ITGA11: variants seen among roughly 807,000 people sequenced by gnomAD.
ITGA11 encodes the protein integrin subunit alpha 11, also known as integrin alpha-11.
Under a neutral mutation model 141.9 loss-of-function variants are expected in ITGA11, and 97 were observed. The ratio of observed to expected loss-of-function variants is 0.68; its 90% CI spans 0.58 to 0.81. The LOEUF is 0.81. Among genes scored for constraint, ITGA11 ranks in the 30% least tolerant of loss-of-function variants. The probability of loss-of-function intolerance (pLI) is 0.00; values close to 1 mark genes in which losing one functional copy is unlikely to be tolerated. For synonymous variants in ITGA11, 658 were observed against 624.6 expected (o/e 1.05, Z -0.80); for missense variants, 1,387 against 1,559.2 (o/e 0.89, Z 1.86).
intron 1 of ITGA11, among the ~76,000 whole-genome samples, chr15:68,429,264 G>A (rs953372279): frequency 4.6e-5 from 7 of 152,136 alleles, no homozygotes; most frequent in Non-Finnish European, 8.8e-5. Context: ...AACCGGCAGG[G>A]GCTAGGCCAA....
At chr15:68,330,892 A>T in intron 15 of ITGA11, 89 bp downstream of exon 15, 1 of 1,500,774 alleles carries the variant, frequency 6.7e-7, no homozygotes, top group Non-Finnish European at 9.1e-7. Context: ...AAGACAAGAG[A>T]CAAAGATCCT....
At chr15:68,419,404 G>A (rs1236571946) in intron 1 of ITGA11, among the ~76,000 whole-genome samples, 1 of 152,178 alleles carries the variant, frequency 6.6e-6, no homozygotes, top group Non-Finnish European at 1.5e-5. Context: ...AGCCTAGAGT[G>A]GCCATTTGTT....
Position 68,400,639 on chromosome 15 carries a change from ATATTATATAT to A in ITGA11, c.164+2269_164+2278del, listed in dbSNP as rs1566938418. Among the ~76,000 whole-genome samples, 141 of 63,872 alleles carry A rather than the reference ATATTATATAT, an allele frequency of 2.2e-3. 6 individuals carry two copies. Among genetic ancestry groups the A allele is most frequent in the African/African-American group, 0.011 (134 of 12,548 alleles). The allele number at this position is 63,872 out of a possible 152,430, so 41.9% of individuals were successfully genotyped here. A position where few individuals can be genotyped will look rare whatever the true frequency, so the allele number is the denominator to read the frequency against. On this transcript the variant is annotated intron_variant, in intron 2 of 29. Coordinates refer to ENST00000315757, the MANE Select transcript of ITGA11 (RefSeq NM_001004439.2). ...TATATATTATATAATAAATATTATAATATTATATATTATATAATAAATATATTATATATTA... is the reference window on the plus strand; with the variant it reads ...TATATATTATATAATAAATATTATAATATATAATAAATATATTATATATTA...
chr15:68,320,497 G>T, intron 19 of ITGA11, 105 bp from the exon 20 acceptor site: 1 of 836,756 alleles, frequency 1.2e-6, no homozygotes, highest in Non-Finnish European at 1.9e-6. Context: ...GCACTTGACT[G>T]GCCTCTGCTC....
intron 7 of ITGA11, among the ~76,000 whole-genome samples, chr15:68,353,994 C>G (rs141864477): frequency 6.6e-6 from 1 of 152,148 alleles, no homozygotes; most frequent in Non-Finnish European, 1.5e-5. Context: ...CAGCCATCTG[C>G]TTGCCAACAA....
rs1449976361 is a variant in ITGA11, at chr15:68,302,898, C to T, written c.*161G>A. 8.3e-6 allele frequency: 5 copies of T among 603,254 alleles called. No individual in the cohort carries two copies. The highest frequency in any genetic ancestry group is 3.0e-5 in the Admixed American group (1 of 33,146). 37.4% of individuals were successfully genotyped at this position (603,254 alleles called of 1,614,324 possible). On this transcript the variant is annotated 3_prime_UTR_variant, in exon 30 of 30. Transcript: ENST00000315757. ...GTTCCACTTAAAACCAGCTTGAGTT[C>T]CATTCTGGAGGGAGCAGGCGCCATT...
chr15:68,296,612 TTG>T lies in ITGA11; in HGVS notation c.*6445_*6446del, dbSNP rs146995196. ...TTGACTATTGGTGTTTGCTTTGGGG[TTG>T]TGTGTGTTTTTTTTCTACTTGTTAG... On this transcript the variant is annotated 3_prime_UTR_variant, in exon 30 of 30. Coordinates refer to ENST00000315757, the MANE Select transcript of ITGA11 (RefSeq NM_001004439.2). 9 of 152,032 alleles carry T rather than the reference TTG, an allele frequency of 5.9e-5. No individual in the cohort carries two copies. Among genetic ancestry groups the T allele is most frequent in the Admixed American group, 3.3e-4 (5 of 15,258 alleles). The allele number at this position is 152,032 out of a possible 1,614,324, so 9.4% of individuals were successfully genotyped here. A position where few individuals can be genotyped will look rare whatever the true frequency, so the allele number is the denominator to read the frequency against.
At chr15:68,346,192 G>A (rs1445372840) in intron 10 of ITGA11, among the ~76,000 whole-genome samples, 1 of 152,140 alleles carries the variant, frequency 6.6e-6, no homozygotes, top group Non-Finnish European at 1.5e-5. Flanking sequence ...GAGCATATGT[G>A]GAAGGGGCTG....
rs763821233 is a variant in ITGA11 at position 68,312,821 on chromosome 15, C to G, written c.2925G>C (p.Ser975=). 6.2e-7 allele frequency: 1 copy of G among 1,613,806 alleles called. No individual in the cohort carries two copies. Among genetic ancestry groups the G allele is most frequent in the Non-Finnish European group, 8.5e-7 (1 of 1,179,794 alleles). ...LSHYEVKPNS[S]LERYDGIGPP... ...GCCCGATACCATCGTATCTCTCCAG[C>G]GAGCTGTTGGGCTTGACCTCGTAGT... Residue 975 remains serine (S), a synonymous_variant, in exon 24 of 30, where the codon TCG becomes TCC. Coordinates refer to ENST00000315757, the MANE Select transcript of ITGA11 (RefSeq NM_001004439.2).
At chr15:68,371,744 C>T (rs1245637707) in intron 2 of ITGA11, among the ~76,000 whole-genome samples, 4 of 151,828 alleles carry the variant, frequency 2.6e-5, no homozygotes, top group Admixed American at 2.0e-4. Flanking sequence ...AAGAAAGGCA[C>T]CGAGAAACAG....
At position 68,416,697 on chromosome 15, in the gene ITGA11, C is replaced by T. The variant is rs1486926855; in HGVS notation, c.53-13668G>A. 2.0e-5 allele frequency among the ~76,000 whole-genome samples: 3 copies of T among 152,196 alleles called. No homozygotes were observed. The East Asian group carries it at 5.8e-4, about 29-fold the overall frequency. On this transcript the variant is annotated intron_variant, in intron 1 of 29. Transcript: ENST00000315757. ...TCCTAGCACTTTGGGAGGCGGATTG[C>T]CTGAGCTCAGGAGTTCGAGACCAGC... is the stretch of plus-strand genomic sequence containing the variant.
Position 68,324,788 on chromosome 15 carries a change from G to A in ITGA11, c.2322+343C>T, listed in dbSNP as rs1893918548. Among the ~76,000 whole-genome samples the A allele has an allele frequency of 6.6e-6, 1 of 152,192 alleles. No homozygotes were observed. The highest frequency in any genetic ancestry group is 1.5e-5 in the Non-Finnish European group (1 of 68,040). ...GGTCTCCATTGTCCTCATCTGTAAA[G>A]GAGGGAGGTGGGTGATTAAGATCTC... On this transcript the variant is annotated intron_variant, in intron 18 of 29. Coordinates refer to ENST00000315757, the MANE Select transcript of ITGA11 (RefSeq NM_001004439.2). This position sits in a 1 kb window ranked among gnomAD's most constrained non-coding sequence, Gnocchi z 6.3.
intron 2 of ITGA11, among the ~76,000 whole-genome samples, chr15:68,370,986 C>T (rs1473526489): frequency 6.6e-6 from 1 of 152,176 alleles, no homozygotes; most frequent in East Asian, 1.9e-4. Context: ...AGTTATAGAA[C>T]TCTGTTTGAA....
Position 68,425,109 on chromosome 15 carries a change from G to A in ITGA11, c.52+6906C>T, listed in dbSNP as rs533918709. On this transcript the variant is annotated intron_variant, in intron 1 of 29. Coordinates refer to ENST00000315757, the MANE Select transcript of ITGA11 (RefSeq NM_001004439.2). ...GGGGCTTAGTGGGCGCTCAGCACAT[G>A]CTGGTGAAATGGACAGGCCACTTGG... Among the ~76,000 whole-genome samples, 7 of 152,350 alleles carry A rather than the reference G, an allele frequency of 4.6e-5. No homozygotes were observed. In the South Asian group the frequency reaches 1.0e-3, roughly 23 times the overall value.
chr15:68,302,278 T>C lies in ITGA11; in HGVS notation c.*781A>G, dbSNP rs919846931. 1.3e-5 allele frequency: 2 copies of C among 152,156 alleles called. No individual in the cohort carries two copies. Among genetic ancestry groups the C allele is most frequent in the Non-Finnish European group, 2.9e-5 (2 of 68,090 alleles). 9.4% of individuals were successfully genotyped at this position (152,156 alleles called of 1,614,324 possible). ...ATCCACATGCTTCCCATGAGGTACC[T>C]GGGAACAAAAGTGACCCGGGAGGGT... On this transcript the variant is annotated 3_prime_UTR_variant, in exon 30 of 30. Coordinates refer to ENST00000315757, the MANE Select transcript of ITGA11 (RefSeq NM_001004439.2).
Position 68,387,871 on chromosome 15 carries a change from G to A in ITGA11, c.164+15047C>T, listed in dbSNP as rs577493553. 3.3e-5 allele frequency among the ~76,000 whole-genome samples: 5 copies of A among 151,988 alleles called. No homozygotes were observed. In the South Asian group the frequency reaches 6.3e-4, roughly 19 times the overall value. ...CACCTCCTCTGACCCTTCTCTCTCCGCCTTCTCTTTCTCCTTCCTCCTCAT... is the reference window on the plus strand; with the variant it reads ...CACCTCCTCTGACCCTTCTCTCTCCACCTTCTCTTTCTCCTTCCTCCTCAT... On this transcript the variant is annotated intron_variant, in intron 2 of 29. Coordinates refer to ENST00000315757, the MANE Select transcript of ITGA11 (RefSeq NM_001004439.2).
chr15:68,401,367 A>G (rs76642581), intron 2 of ITGA11, among the ~76,000 whole-genome samples: 1,846 of 152,296 alleles, frequency 0.012, 42 homozygotes, highest in African/African-American at 0.042. Flanking sequence ...TAAAAACCCA[A>G]TACAAGTGAA....
chr15:68,328,201 A>C lies in ITGA11; in HGVS notation c.1963T>G (p.Phe655Val), dbSNP rs768376109. The C allele has an allele frequency of 8.1e-6, 13 of 1,613,932 alleles. 1 individual carries two copies. Among genetic ancestry groups the C allele is most frequent in the Non-Finnish European group, 1.1e-5 (13 of 1,179,870 alleles). The part of the protein sequence containing the change: ...LHFEPSKINI[F>V]HRDCKRSGRD... ...CCACTGCGCTTGCAGTCTCTGTGGAAGATGTTGATCTTGGATGGCTCAAAG... is the reference window on the plus strand; with the variant it reads ...CCACTGCGCTTGCAGTCTCTGTGGACGATGTTGATCTTGGATGGCTCAAAG... The change falls in exon 16 of 30, where the codon TTC becomes GTC. Residue 655 changes from phenylalanine to valine, a missense_variant. Transcript: ENST00000315757. The surrounding 1 kb of genome is among the most constrained non-coding windows in gnomAD (Gnocchi z 4.8).
intron 2 of ITGA11, among the ~76,000 whole-genome samples, chr15:68,402,257 G>A (rs1207131468): frequency 1.3e-5 from 2 of 152,070 alleles, no homozygotes; most frequent in African/African-American, 4.8e-5. Context: ...ATGACTAACC[G>A]TAAATGTGGC....
Sources: allele counts gnomAD v4.1 joint callset (sites outside exome capture counted in the v4.1 genomes callset), GRCh38; gene constraint gnomAD v4.1.1; non-coding constraint Gnocchi (gnomAD v3.1); transcripts MANE v1.5; gene names NCBI Gene and HGNC (gene_info 2026-07-23, HGNC 2026-07-21).